The following EVC2 variants were observed in gnomAD, a reference collection of about 807,000 sequenced individuals.
EVC2 encodes limbin.
In EVC2, 148 loss-of-function variants were observed where a neutral mutation model predicts 149.3. The observed-to-expected ratio is 0.99, with a 90% CI of 0.87 to 1.14. EVC2 has a LOEUF of 1.14. Among genes scored for constraint, EVC2 ranks in the 50% most tolerant of loss-of-function variants. The probability of loss-of-function intolerance (pLI) is 0.00; values close to 1 mark genes in which losing one functional copy is unlikely to be tolerated. For synonymous variants in EVC2, 776 were observed against 649.9 expected (o/e 1.19, Z -2.95); for missense variants, 1,854 against 1,627.3 (o/e 1.14, Z -2.40).
At chr4:5,591,728 A>C (rs965918640) in intron 16 of EVC2, among the ~76,000 whole-genome samples, 1 of 152,182 alleles carries the variant, frequency 6.6e-6, no homozygotes, top group African/African-American at 2.4e-5. Context: ...CACCATGAGA[A>C]TGTGTCTCTA....
chr4:5,598,521 A>G (rs546161210), intron 16 of EVC2, among the ~76,000 whole-genome samples: 206 of 152,336 alleles, frequency 1.4e-3, no homozygotes, highest in African/African-American at 4.5e-3. Flanking sequence ...GTCATATGGA[A>G]AAAGCTGAAA....
In EVC2 at chr4:5,562,688, T is replaced by G; in HGVS notation, c.*160A>C. ...CATCTGGAAATTCATGAGACAAGAT[T>G]AAACCGAGTCCCTGCAAGTTGGCAT... On this transcript the variant is annotated 3_prime_UTR_variant, in exon 22 of 22. Transcript: ENST00000344408. The surrounding 1 kb of genome is among the most constrained non-coding windows in gnomAD (Gnocchi z 4.3). 1.3e-6 allele frequency: 2 copies of G among 1,497,718 alleles called. No individual in the cohort carries two copies. The highest frequency in any genetic ancestry group is 1.8e-6 in the Non-Finnish European group (2 of 1,131,776). 92.8% of individuals were successfully genotyped at this position (1,497,718 alleles called of 1,614,324 possible).
Position 5,576,113 on chromosome 4 carries a change from A to G in EVC2, c.3272+127T>C, listed in dbSNP as rs1722905897. Reference sequence around the variant, plus strand: ...AAAGCCAGCAGCTCGTGTTGGAGCAATGGGATGACACCTTAGGCAAGAGGG... The same window carrying G: ...AAAGCCAGCAGCTCGTGTTGGAGCAGTGGGATGACACCTTAGGCAAGAGGG... On this transcript the variant is annotated intron_variant, in intron 18 of 21. Coordinates refer to ENST00000344408, the MANE Select transcript of EVC2 (RefSeq NM_147127.5). This position sits in a 1 kb window ranked among gnomAD's most constrained non-coding sequence, Gnocchi z 4.5. 2 of 1,487,806 alleles carry G rather than the reference A, an allele frequency of 1.3e-6. No homozygotes were observed. Among genetic ancestry groups the G allele is most frequent in the Admixed American group, 1.7e-5 (1 of 58,196 alleles). 92.2% of individuals were successfully genotyped at this position (1,487,806 alleles called of 1,614,324 possible).
rs1219463092 is a variant in EVC2 at position 5,636,842 on chromosome 4, A to G, written c.1470+3672T>C. Among the ~76,000 whole-genome samples the G allele has an allele frequency of 6.6e-6, 1 of 152,242 alleles. No homozygotes were observed. The highest frequency in any genetic ancestry group is 6.5e-5 in the Admixed American group (1 of 15,288). ...TTTTATTTAAAGATGACTATAACAC[A>G]TGATGGATAATTATAAAGCAGTCTG... On this transcript the variant is annotated intron_variant, in intron 10 of 21. Transcript: ENST00000344408. The surrounding 1 kb of genome is among the most constrained non-coding windows in gnomAD (Gnocchi z 4.6).
intron 9 of EVC2, among the ~76,000 whole-genome samples, chr4:5,651,641 T>C (rs1333959461): frequency 6.6e-6 from 1 of 152,118 alleles, no homozygotes; most frequent in Non-Finnish European, 1.5e-5. Context: ...GCATGGAAAA[T>C]GTAAAGGTAG....
At chr4:5,565,582 A>C (rs1021931312) in intron 20 of EVC2, among the ~76,000 whole-genome samples, 5 of 151,952 alleles carry the variant, frequency 3.3e-5, no homozygotes, top group South Asian at 2.1e-4. Context: ...TGAGGCAGAA[A>C]GAATCGCTTG....
chr4:5,676,010 T>C (rs1719963910), intron 7 of EVC2, among the ~76,000 whole-genome samples: 7 of 152,154 alleles, frequency 4.6e-5, no homozygotes. Flanking sequence ...CCATAACAAT[T>C]GGTTTAAATG....
chr4:5,665,969 CA>C (rs1016531987), intron 7 of EVC2, among the ~76,000 whole-genome samples: 40 of 152,226 alleles, frequency 2.6e-4, no homozygotes, highest in African/African-American at 8.9e-4. Context: ...CATGATAATC[CA>C]AAGGAAGCAC....
At chr4:5,654,356 C>T (rs1718361895) in intron 9 of EVC2, among the ~76,000 whole-genome samples, 1 of 152,190 alleles carries the variant, frequency 6.6e-6, no homozygotes, top group Non-Finnish European at 1.5e-5. Flanking sequence ...AGAAGCTCCT[C>T]TTTTAGAGAA....
chr4:5,599,972 G>A (rs1396467325), intron 16 of EVC2, among the ~76,000 whole-genome samples: 4 of 152,130 alleles, frequency 2.6e-5, no homozygotes, highest in African/African-American at 9.7e-5. Flanking sequence ...TTTAGACACA[G>A]ACAAATTAAT....
In EVC2 at chr4:5,685,442, G is replaced by A; in HGVS notation, c.744C>T (p.Leu248=). ...CCCCGTTCCCGAGGTCTCCAGCCTG[G>A]AGCGTGGCTGCGTAGCTGACAGCAA... ...DAFAVSYAAT[L]QAGDLGNGES... The change falls in exon 6 of 22, where the codon CTC becomes CTT. Residue 248 remains leucine (L), a synonymous_variant. Transcript: ENST00000344408. 2 of 1,614,204 alleles carry A rather than the reference G, an allele frequency of 1.2e-6. No homozygotes were observed. Among genetic ancestry groups the A allele is most frequent in the South Asian group, 2.2e-5 (2 of 91,072 alleles).
intron 9 of EVC2, among the ~76,000 whole-genome samples, chr4:5,658,895 T>A (rs1364037716): frequency 6.6e-6 from 1 of 152,180 alleles, no homozygotes; most frequent in African/African-American, 2.4e-5. Context: ...TCCATGCCCC[T>A]AGAAGCTTCC....
At chr4:5,542,861 T>C (rs138259235) in exon 23 of EVC2, 47 of 306,604 alleles carry the variant, frequency 1.5e-4, no homozygotes, top group African/African-American at 7.9e-4. Context: ...GCTGGGCTCA[T>C]AGGAACAACA....
chr4:5,624,466 C>G (rs1230718250), intron 13 of EVC2, among the ~76,000 whole-genome samples: 1 of 152,196 alleles, frequency 6.6e-6, no homozygotes, highest in African/African-American at 2.4e-5. Flanking sequence ...GAGCACCTAC[C>G]AGGTGTCAGG....
chr4:5,558,002 T>A (rs576202003), downstream of EVC2, among the ~76,000 whole-genome samples: 37 of 152,242 alleles, frequency 2.4e-4, no homozygotes, highest in African/African-American at 8.2e-4. Flanking sequence ...ACCTATAGAA[T>A]CTATAGGTCT....
At chr4:5,592,646 C>G (rs1439732220) in intron 16 of EVC2, among the ~76,000 whole-genome samples, 1 of 152,168 alleles carries the variant, frequency 6.6e-6, no homozygotes, top group Non-Finnish European at 1.5e-5. Flanking sequence ...AGGAGTTGGG[C>G]AAGTGGGCTC....
chr4:5,590,701 A>G (rs936387535), intron 16 of EVC2, among the ~76,000 whole-genome samples: 3 of 152,216 alleles, frequency 2.0e-5, no homozygotes, highest in African/African-American at 7.2e-5. Context: ...TTCTGATGTC[A>G]GAAGGTAGAA....
chr4:5,584,880 C>T (rs1712140749), intron 16 of EVC2, 30 bp from the exon 17 acceptor site: 2 of 1,612,252 alleles, frequency 1.2e-6, no homozygotes, highest in Non-Finnish European at 8.5e-7. Context: ...GACCCAAACC[C>T]AGAGAGCAGT....
chr4:5,540,156 A>G (rs1721489203), downstream of EVC2, among the ~76,000 whole-genome samples: 1 of 152,240 alleles, frequency 6.6e-6, no homozygotes, highest in Non-Finnish European at 1.5e-5. Flanking sequence ...CTATTAGCAT[A>G]AGTAAAATTT....
Sources: allele counts gnomAD v4.1 joint callset (sites outside exome capture counted in the v4.1 genomes callset), GRCh38; gene constraint gnomAD v4.1.1; non-coding constraint Gnocchi (gnomAD v3.1); transcripts MANE v1.5; gene names NCBI Gene and HGNC (gene_info 2026-07-23, HGNC 2026-07-21).